FXN: variants seen among roughly 807,000 people sequenced by gnomAD.
The protein encoded by FXN is frataxin.
A neutral mutation model predicts 22.4 loss-of-function variants in FXN; 14 were observed. The ratio of observed to expected loss-of-function variants is 0.62; its 90% CI spans 0.41 to 0.98. FXN has a LOEUF of 0.98. FXN is among the 50% of genes least tolerant of loss of function. The pLI is 0.00. For synonymous variants in FXN, 120 were observed against 114.1 expected (o/e 1.05, Z -0.33); for missense variants, 267 against 268.4 (o/e 0.99, Z 0.04).
At chr9:69,064,197 G>A (rs1019643699) in intron 3 of FXN, among the ~76,000 whole-genome samples, 3 of 152,164 alleles carry the variant, frequency 2.0e-5, no homozygotes, top group African/African-American at 7.2e-5. Flanking sequence ...ATTCTAAAGA[G>A]ACCACAGGCC....
At chr9:69,054,847 C>A (rs1831925963) in intron 3 of FXN, among the ~76,000 whole-genome samples, 2 of 152,138 alleles carry the variant, frequency 1.3e-5, no homozygotes, top group Admixed American at 1.3e-4. Flanking sequence ...TTGACTAATA[C>A]CAGAAAATGT....
At chr9:69,039,636 G>T (rs1414782624) in intron 1 of FXN, among the ~76,000 whole-genome samples, 2 of 152,148 alleles carry the variant, frequency 1.3e-5, no homozygotes, top group Non-Finnish European at 2.9e-5. Flanking sequence ...AGACAGCTTC[G>T]AGGAGGAGAT....
At chr9:69,068,270 C>T (rs1422704186) in intron 4 of FXN, among the ~76,000 whole-genome samples, 3 of 152,196 alleles carry the variant, frequency 2.0e-5, no homozygotes, top group Non-Finnish European at 4.4e-5. Context: ...CTACTATGAG[C>T]TCTTTCCACT....
rs147571636 is a variant in FXN, at chr9:69,053,233, G to A, written c.357G>A (p.Thr119=). The A allele has an allele frequency of 1.6e-4, 264 of 1,613,756 alleles. 1 individual carries two copies. The East Asian group carries it at 5.7e-3, about 35-fold the overall frequency. The stretch of plus-strand genomic sequence containing the variant: ...AAGACCTTGCAGACAAGCCATACAC[G>A]TTTGAGGACTATGATGTCTCCTTTG... The part of the protein sequence containing the change: ...FFEDLADKPY[T]FEDYDVSFGS... The change falls in exon 3 of 5, where the codon ACG becomes ACA. Residue 119 remains threonine, a synonymous_variant. Coordinates refer to ENST00000484259, the MANE Select transcript of FXN (RefSeq NM_000144.5).
chr9:69,061,796 G>A (rs1319252181), intron 3 of FXN, among the ~76,000 whole-genome samples: 3 of 151,858 alleles, frequency 2.0e-5, no homozygotes, highest in Non-Finnish European at 4.4e-5. Context: ...TTGTTCTTGC[G>A]ATAGTTTACT....
intron 3 of FXN, among the ~76,000 whole-genome samples, chr9:69,059,204 G>C (rs1459042890): frequency 1.3e-5 from 2 of 152,158 alleles, no homozygotes; most frequent in Non-Finnish European, 2.9e-5. Flanking sequence ...ATTGGTACAA[G>C]AGTAGATTGC....
rs1347685236 is a variant in FXN at position 69,071,679 on chromosome 9, C to G, written c.483-933C>G. Among the ~76,000 whole-genome samples, 2 of 152,316 alleles carry G rather than the reference C, an allele frequency of 1.3e-5. 1 individual carries two copies. Among genetic ancestry groups the G allele is most frequent in the South Asian group, 4.1e-4 (2 of 4,824 alleles). On this transcript the variant is annotated intron_variant, in intron 4 of 4. Coordinates refer to ENST00000484259, the MANE Select transcript of FXN (RefSeq NM_000144.5). ...GGTGGATGAACTAGCCCACCAGGCT[C>G]TCAATGTCATGAATTTAACACTGAA...
chr9:69,069,985 T>G lies in FXN; in HGVS notation c.483-2627T>G, dbSNP rs145649731. On this transcript the variant is annotated intron_variant, in intron 4 of 4. Transcript: ENST00000484259. ...AGCTCACACCTGTAATCCTAGCACTTTGGGAAGCTGACGCAGGCAGATGGC... is the reference window on the plus strand; with the variant it reads ...AGCTCACACCTGTAATCCTAGCACTGTGGGAAGCTGACGCAGGCAGATGGC... 3.3e-3 allele frequency among the ~76,000 whole-genome samples: 504 copies of G among 152,076 alleles called. 3 individuals carry two copies. The highest frequency in any genetic ancestry group is 0.011 in the African/African-American group (453 of 41,492).
At chr9:69,052,149 ATT>A (rs34185166) in intron 2 of FXN, among the ~76,000 whole-genome samples, 53,658 of 143,950 alleles carry the variant, frequency 0.37, 10,358 homozygotes, top group Non-Finnish European at 0.44. Context: ...GGCCCAGCCT[ATT>A]TTTTTTTTTT....
At chr9:69,060,049 G>C (rs979048566) in intron 3 of FXN, among the ~76,000 whole-genome samples, 1 of 152,160 alleles carries the variant, frequency 6.6e-6, no homozygotes, top group Non-Finnish European at 1.5e-5. Context: ...TACATGGGTA[G>C]GGCTGATCTT....
chr9:69,069,621 C>G (rs904210199), intron 4 of FXN, among the ~76,000 whole-genome samples: 1 of 152,220 alleles, frequency 6.6e-6, no homozygotes, highest in Non-Finnish European at 1.5e-5. Context: ...TTCCTGGCTA[C>G]AAGTCCCTCT....
Position 69,075,228 on chromosome 9 carries a change from C to T in FXN, c.*2466C>T, listed in dbSNP as rs4745582. On this transcript the variant is annotated 3_prime_UTR_variant, in exon 5 of 5. Transcript: ENST00000484259. ...ATCCCAGCACTTTGGGAGGCTGAGG[C>T]AAGTGTATCACCTGAGGTCAGGAGT... 358,903 of 821,420 alleles carry T rather than the reference C, an allele frequency of 0.44. 80,090 individuals carry two copies. The highest frequency in any genetic ancestry group is 0.63 in the East Asian group (4,984 of 7,864). The allele number at this position is 821,420 out of a possible 1,614,324, so 50.9% of individuals were successfully genotyped here.
intron 3 of FXN, among the ~76,000 whole-genome samples, chr9:69,064,275 A>G (rs989337525): frequency 6.6e-6 from 1 of 152,246 alleles, no homozygotes; most frequent in Non-Finnish European, 1.5e-5. Context: ...TTGGTCAAAG[A>G]TGCACCAACT....
At chr9:69,057,370 T>G (rs1831979384) in intron 3 of FXN, among the ~76,000 whole-genome samples, 1 of 152,326 alleles carries the variant, frequency 6.6e-6, no homozygotes, top group South Asian at 2.1e-4. Context: ...GCCCTGAGAT[T>G]GTCTCTCTGA....
intron 1 of FXN, among the ~76,000 whole-genome samples, chr9:69,042,437 C>G (rs1831674523): frequency 6.6e-6 from 1 of 152,126 alleles, no homozygotes; most frequent in Non-Finnish European, 1.5e-5. Context: ...GTTTTATGCT[C>G]ACGGTTGTGA....
At chr9:69,051,072 G>A (rs774352947) in intron 2 of FXN, among the ~76,000 whole-genome samples, 1 of 151,582 alleles carries the variant, frequency 6.6e-6, no homozygotes, top group African/African-American at 2.4e-5. Flanking sequence ...GAGCCACCGC[G>A]CCAGGCCGGC....
At chr9:69,062,667 AC>A (rs924274540) in intron 3 of FXN, among the ~76,000 whole-genome samples, 9 of 152,082 alleles carry the variant, frequency 5.9e-5, no homozygotes, top group Middle Eastern at 3.4e-3. Context: ...AATTAAAAAA[AC>A]ATCTTTTTTT....
intron 3 of FXN, among the ~76,000 whole-genome samples, chr9:69,063,735 G>C (rs565265168): frequency 6.6e-6 from 1 of 152,206 alleles, no homozygotes; most frequent in Admixed American, 6.5e-5. Flanking sequence ...CCAGTCTGGT[G>C]TGTAGTGGTG....
intron 3 of FXN, among the ~76,000 whole-genome samples, chr9:69,053,657 C>G (rs1291990496): frequency 1.3e-5 from 2 of 152,194 alleles, no homozygotes; most frequent in Non-Finnish European, 1.5e-5. Flanking sequence ...TTTCCAGCTT[C>G]AGTGGATACC....
Sources: gnomAD v4.1 joint callset for allele counts (sites outside exome capture counted in the v4.1 genomes callset) on GRCh38, gnomAD v4.1.1 for gene constraint, MANE v1.5 for transcripts, NCBI Gene and HGNC (gene_info 2026-07-23, HGNC 2026-07-21) for gene names.